The following ECHDC2 variants were observed in gnomAD, a reference collection of about 807,000 sequenced individuals.
ECHDC2 encodes the protein enoyl-CoA hydratase domain-containing protein 2, mitochondrial.
A neutral mutation model predicts 40.6 loss-of-function variants in ECHDC2; 34 were observed. The observed-to-expected ratio is 0.84, with a 90% CI of 0.64 to 1.11. The LOEUF (loss-of-function observed/expected upper bound fraction) is 1.11. ECHDC2 is among the 50% of genes most tolerant of loss of function. ECHDC2 has a pLI of 0.00. For missense variants in ECHDC2, 392 were observed against 400.7 expected (o/e 0.98, Z 0.19); for synonymous variants, 162 against 166.6 (o/e 0.97, Z 0.21).
chr1:52,906,602 G>A lies in ECHDC2; in HGVS notation c.374C>T (p.Pro125Leu). The A allele has an allele frequency of 6.2e-7, 1 of 1,610,108 alleles. No individual in the cohort carries two copies. The highest frequency in any genetic ancestry group is 8.5e-7 in the Non-Finnish European group (1 of 1,178,140). Residue 125 changes from proline to leucine, a missense_variant, in exon 5 of 10, where the codon CCT (proline) becomes CTT (leucine). By Grantham distance (98) the Pro-to-Leu change is moderately conservative (BLOSUM62 -3). Coordinates refer to ENST00000371522, the MANE Select transcript of ECHDC2 (RefSeq NM_001198961.2). ...ATCCATAGCCGCAATGGTGGGTGCA[G>A]GGAAGGCTGCTGTGGAGAGGAAGAA... ...RGLMNDIAAFPAPTIAAMDGF... is the reference protein window; with the variant it reads ...RGLMNDIAAFLAPTIAAMDGF...
intron 1 of ECHDC2, among the ~76,000 whole-genome samples, chr1:52,918,861 G>A (rs567652127): frequency 2.6e-5 from 4 of 150,982 alleles, no homozygotes; most frequent in Admixed American, 2.0e-4. Flanking sequence ...CCCAACCCCC[G>A]GGCTGTGGAC....
chr1:52,917,653 C>T (rs945995137), intron 1 of ECHDC2: 2 of 456,056 alleles, frequency 4.4e-6, no homozygotes, highest in Non-Finnish European at 8.8e-6. Context: ...TACAGTCATG[C>T]ACAGCATGAT....
chr1:52,899,319 ATGTCTGGGTCTGG>A (rs1646839674), intron 7 of ECHDC2, 95 bp from the exon 8 acceptor site: 1 of 1,187,526 alleles, frequency 8.4e-7, no homozygotes, highest in African/African-American at 1.5e-5. Flanking sequence ...AGGGAGGCAG[ATGTCTGGGTCTGG>A]TTCCAGCCAT....
Position 52,914,193 on chromosome 1 carries a change from C to A in ECHDC2, c.122-2403G>T. 1 of 419,550 alleles carries A rather than the reference C, an allele frequency of 2.4e-6. No individual in the cohort carries two copies. Among genetic ancestry groups the A allele is most frequent in the Non-Finnish European group, 4.7e-6 (1 of 211,672 alleles). 26.0% of individuals were successfully genotyped at this position (419,550 alleles called of 1,614,324 possible). On this transcript the variant is annotated intron_variant, in intron 1 of 9. Coordinates refer to ENST00000371522, the MANE Select transcript of ECHDC2 (RefSeq NM_001198961.2). This position sits in a 1 kb window ranked among gnomAD's most constrained non-coding sequence, Gnocchi z 4.0. ...GGGGCCTCCAGTGGGCAGAGGGGAG[C>A]CCTAGTATAGAAGGTCAGCAATGAG...
At chr1:52,920,579 G>A in intron 1 of ECHDC2, 1 of 1,272,506 alleles carries the variant, frequency 7.9e-7, no homozygotes. Flanking sequence ...GTGGAATTAA[G>A]AAATCTGGCA....
At chr1:52,901,874 T>A (rs1346064994) in intron 7 of ECHDC2, 3 of 152,172 alleles carry the variant, frequency 2.0e-5, no homozygotes, top group Admixed American at 1.3e-4. Context: ...AGTCTACAGG[T>A]CTAGATATGA....
At chr1:52,897,374 C>CA in intron 9 of ECHDC2, 63 bp downstream of exon 9, 1 of 1,550,728 alleles carries the variant, frequency 6.4e-7, no homozygotes, top group Non-Finnish European at 8.9e-7. Context: ...ATGTACCATA[C>CA]AAAGTCCCTC....
chr1:52,897,095 A>G, intron 9 of ECHDC2: 1 of 409,956 alleles, frequency 2.4e-6, no homozygotes, highest in Non-Finnish European at 4.5e-6. Flanking sequence ...CCTGCAGGCT[A>G]CAACCAAGCC....
chr1:52,918,008 G>A (rs1372549712), intron 1 of ECHDC2, among the ~76,000 whole-genome samples: 1 of 151,870 alleles, frequency 6.6e-6, no homozygotes, highest in African/African-American at 2.4e-5. Context: ...TTACTCTGTT[G>A]CCCAGGCTGG....
intron 4 of ECHDC2, 105 bp downstream of exon 4, chr1:52,907,763 C>T: frequency 9.8e-7 from 1 of 1,016,914 alleles, no homozygotes; most frequent in Non-Finnish European, 1.5e-6. Context: ...TATCACAGAA[C>T]TCCAAACAGA....
At chr1:52,897,539 A>T (rs1646715049) in intron 8 of ECHDC2, 55 bp from the exon 9 acceptor site, 5 of 1,583,986 alleles carry the variant, frequency 3.2e-6, no homozygotes, top group Non-Finnish European at 4.3e-6. Context: ...CTTCACCCAC[A>T]CTGGAAGCCA....
chr1:52,916,161 G>A (rs1002337288), intron 1 of ECHDC2, among the ~76,000 whole-genome samples: 6 of 152,320 alleles, frequency 3.9e-5, no homozygotes, highest in East Asian at 1.9e-4. Flanking sequence ...GACTTCTGAC[G>A]TACAGAAACT....
Position 52,914,087 on chromosome 1 carries a change from A to G in ECHDC2, c.122-2297T>C. ...CAGACTCAAGGCCTGTCCTCATGGAACCTACAGCCTAGTGGGGAAGACAGA... is the reference window on the plus strand; with the variant it reads ...CAGACTCAAGGCCTGTCCTCATGGAGCCTACAGCCTAGTGGGGAAGACAGA... On this transcript the variant is annotated intron_variant, in intron 1 of 9. Coordinates refer to ENST00000371522, the MANE Select transcript of ECHDC2 (RefSeq NM_001198961.2). The surrounding 1 kb of genome is among the most constrained non-coding windows in gnomAD (Gnocchi z 4.0). 1 of 616,524 alleles carries G rather than the reference A, an allele frequency of 1.6e-6. No homozygotes were observed. The highest frequency in any genetic ancestry group is 2.7e-6 in the Non-Finnish European group (1 of 373,886). The allele number at this position is 616,524 out of a possible 1,614,324, so 38.2% of individuals were successfully genotyped here.
rs552029845 is a variant in ECHDC2 at position 52,903,430 on chromosome 1, G to T, written c.702+1216C>A. Among the ~76,000 whole-genome samples the T allele has an allele frequency of 8.4e-4, 127 of 151,022 alleles. 1 individual carries two copies. Among genetic ancestry groups the T allele is most frequent in the African/African-American group, 3.0e-3 (122 of 41,142 alleles). ...TTTTTTAATGAGGGGTTTTTTGGTT[G>T]TTTTTTTTGGCTTTTTGTTTTTGTT... On this transcript the variant is annotated intron_variant, in intron 7 of 9. Coordinates refer to ENST00000371522, the MANE Select transcript of ECHDC2 (RefSeq NM_001198961.2).
At chr1:52,921,036 G>A (rs1651762302) in intron 1 of ECHDC2, among the ~76,000 whole-genome samples, 1 of 152,228 alleles carries the variant, frequency 6.6e-6, no homozygotes, top group Non-Finnish European at 1.5e-5. Flanking sequence ...CTTGATCTTG[G>A]CCAAAAGGCG....
At chr1:52,918,706 A>G (rs1651271189) in intron 1 of ECHDC2, among the ~76,000 whole-genome samples, 1 of 152,240 alleles carries the variant, frequency 6.6e-6, no homozygotes, top group African/African-American at 2.4e-5. Context: ...GAAAAAATTA[A>G]AAAGTTTATA....
At chr1:52,902,961 G>A (rs1014556090) in intron 7 of ECHDC2, among the ~76,000 whole-genome samples, 1 of 152,160 alleles carries the variant, frequency 6.6e-6, no homozygotes, top group Non-Finnish European at 1.5e-5. Context: ...TATAGGCTAA[G>A]ACAAATTTAT....
Position 52,907,949 on chromosome 1 carries a change from C to T in ECHDC2, c.283G>A (p.Asp95Asn). The T allele has an allele frequency of 1.2e-6, 2 of 1,614,096 alleles. No individual in the cohort carries two copies. The highest frequency in any genetic ancestry group is 2.2e-5 in the East Asian group (1 of 44,862). ...GVKGVFCAGA[D>N]LKEREQMSEA... ...CTCATCTGTTCCCGCTCCTTCAGGT[C>T]TGCACCTGCAGATGGCGAGGGTTGG... The change falls in exon 4 of 10, where the codon GAC becomes AAC. Residue 95 changes from aspartate (D) to asparagine (N), a missense_variant. Asp to Asn is a conservative substitution (Grantham distance 23). Transcript: ENST00000371522.
Position 52,899,181 on chromosome 1 carries a change from C to CCT in ECHDC2, c.744_745dup (p.Gly249GlufsTer28). 3.1e-6 allele frequency: 5 copies of CCT among 1,614,202 alleles called. No individual in the cohort carries two copies. The highest frequency in any genetic ancestry group is 4.2e-6 in the Non-Finnish European group (5 of 1,180,032). ...AACCCAAAACCCTCTCACCTCCGTT[C>CCT]CTCGGTCAATGGCTACTTTGCCCAG... On this transcript the variant is annotated frameshift_variant, in exon 8 of 10. Transcript: ENST00000371522. LOFTEE classifies it high-confidence loss of function.
Sources: gnomAD v4.1 joint callset for allele counts (sites outside exome capture counted in the v4.1 genomes callset) on GRCh38, gnomAD v4.1.1 for gene constraint, Gnocchi (gnomAD v3.1) non-coding constraint, MANE v1.5 for transcripts, NCBI Gene and HGNC (gene_info 2026-07-23, HGNC 2026-07-21) for gene names.